COL24A1: variants seen among roughly 807,000 people sequenced by gnomAD.
COL24A1 encodes collagen alpha-1(XXIV) chain.
A neutral mutation model predicts 253.9 loss-of-function variants in COL24A1; 224 were observed. The observed-to-expected ratio is 0.88, with a 90% CI of 0.79 to 0.99. COL24A1 has a LOEUF of 0.99. Ranked by LOEUF, COL24A1 falls within the 50% of genes least tolerant of loss-of-function variation. COL24A1 has a pLI of 0.00. For synonymous variants in COL24A1, 685 were observed against 673.7 expected (o/e 1.02, Z -0.26); for missense variants, 2,131 against 2,068.5 (o/e 1.03, Z -0.59).
chr1:85,788,110 A>G (rs1183498004), intron 47 of COL24A1, among the ~76,000 whole-genome samples: 1 of 151,092 alleles, frequency 6.6e-6, no homozygotes, highest in African/African-American at 2.4e-5. Flanking sequence ...TGTTTTTTGG[A>G]GACAGAGTCA....
intron 32 of COL24A1, among the ~76,000 whole-genome samples, chr1:85,882,270 G>A (rs1284634596): frequency 2.6e-5 from 4 of 151,954 alleles, no homozygotes; most frequent in Non-Finnish European, 2.9e-5. Flanking sequence ...GAGGTCAGGA[G>A]ATCGAGACCA....
chr1:86,000,710 C>T (rs142753240), intron 19 of COL24A1, among the ~76,000 whole-genome samples: 12 of 152,250 alleles, frequency 7.9e-5, no homozygotes, highest in African/African-American at 1.4e-4. Flanking sequence ...ACCACCCTGA[C>T]GGAAAAAGAG....
At chr1:86,065,052 G>A (rs754683804) in intron 7 of COL24A1, among the ~76,000 whole-genome samples, 3 of 152,090 alleles carry the variant, frequency 2.0e-5, no homozygotes, top group Non-Finnish European at 4.4e-5. Flanking sequence ...CATCCTCAGC[G>A]CTAAGACAGT....
intron 19 of COL24A1, among the ~76,000 whole-genome samples, chr1:86,006,793 TA>T (rs1365951564): frequency 1.3e-5 from 2 of 151,120 alleles, no homozygotes; most frequent in African/African-American, 2.4e-5. Context: ...ACTCAACAAT[TA>T]AAAAAAACAT....
At chr1:85,842,490 T>C in intron 39 of COL24A1, 97 bp from the exon 40 acceptor site, 2 of 841,102 alleles carry the variant, frequency 2.4e-6, no homozygotes. Flanking sequence ...TACCTTTAGA[T>C]TTTTCATGGT....
chr1:85,792,203 C>T (rs1670342963), intron 47 of COL24A1, among the ~76,000 whole-genome samples: 1 of 151,950 alleles, frequency 6.6e-6, no homozygotes. Context: ...GTTGACTTCT[C>T]TTCTAGGAAT....
intron 57 of COL24A1, among the ~76,000 whole-genome samples, chr1:85,743,342 T>G (rs1358151846): frequency 1.3e-5 from 2 of 152,186 alleles, no homozygotes; most frequent in Non-Finnish European, 2.9e-5. Context: ...TTATTCTTTG[T>G]GCCTGGAAAG....
chr1:85,736,726 A>G (rs72948657), intron 58 of COL24A1, among the ~76,000 whole-genome samples: 1,581 of 152,350 alleles, frequency 0.01, 24 homozygotes, highest in African/African-American at 0.036. Flanking sequence ...TCAATGAGAA[A>G]TTCTTGATCA....
intron 35 of COL24A1, among the ~76,000 whole-genome samples, chr1:85,873,828 T>A (rs80090551): frequency 5.4e-5 from 8 of 148,380 alleles, no homozygotes; most frequent in Non-Finnish European, 7.5e-5. Context: ...TTAAAATACA[T>A]AAAAAAAAAA....
intron 19 of COL24A1, among the ~76,000 whole-genome samples, chr1:85,998,097 A>C (rs1558950212): frequency 6.6e-6 from 1 of 152,158 alleles, no homozygotes; most frequent in Non-Finnish European, 1.5e-5. Flanking sequence ...AAACTGTTCA[A>C]ACTGAGTTTC....
intron 5 of COL24A1, among the ~76,000 whole-genome samples, chr1:86,094,529 C>A (rs1703756314): frequency 6.6e-6 from 1 of 151,944 alleles, no homozygotes; most frequent in South Asian, 2.1e-4. Context: ...GGGAACCAGG[C>A]TCAATACCTG....
chr1:85,849,291 T>G, intron 38 of COL24A1, 62 bp downstream of exon 38: 1 of 1,220,480 alleles, frequency 8.2e-7, no homozygotes, highest in Non-Finnish European at 1.2e-6. Flanking sequence ...ATTACAGCAG[T>G]CTATGGAGTT....
At chr1:86,087,285 T>C (rs893435389) in intron 7 of COL24A1, among the ~76,000 whole-genome samples, 89 of 152,274 alleles carry the variant, frequency 5.8e-4, no homozygotes, top group Non-Finnish European at 1.1e-3. Context: ...TAATTCAAAA[T>C]AATGTTACAT....
chr1:85,791,113 A>G (rs941490058), intron 47 of COL24A1, among the ~76,000 whole-genome samples: 34 of 152,150 alleles, frequency 2.2e-4, no homozygotes, highest in African/African-American at 6.5e-4. Context: ...TGAAATGTTG[A>G]GGACACTGGT....
chr1:85,822,585 GA>G (rs1284071123), intron 45 of COL24A1, among the ~76,000 whole-genome samples: 2 of 152,106 alleles, frequency 1.3e-5, no homozygotes, highest in Non-Finnish European at 2.9e-5. Context: ...TTTGCCTTAT[GA>G]AAAAACAACT....
At chr1:85,925,560 C>G (rs1687093247) in intron 24 of COL24A1, among the ~76,000 whole-genome samples, 4 of 152,128 alleles carry the variant, frequency 2.6e-5, no homozygotes, top group African/African-American at 9.7e-5. Flanking sequence ...CTGAGAAAAA[C>G]AAGCAATGGG....
chr1:86,119,789 G>A (rs2102222314), intron 3 of COL24A1, among the ~76,000 whole-genome samples: 1 of 152,244 alleles, frequency 6.6e-6, no homozygotes, highest in African/African-American at 2.4e-5. Context: ...GCAATCAGTA[G>A]AGGATTTATA....
chr1:85,773,315 C>A (rs1033592281), intron 53 of COL24A1, among the ~76,000 whole-genome samples: 8 of 152,168 alleles, frequency 5.3e-5, no homozygotes, highest in African/African-American at 1.9e-4. Context: ...ATGACTCCAG[C>A]TTTATTCTTC....
At chr1:85,997,027 GTA>G (rs60831984) in intron 19 of COL24A1, among the ~76,000 whole-genome samples, 22,475 of 92,808 alleles carry the variant, frequency 0.24, 2,505 homozygotes, top group African/African-American at 0.33. Flanking sequence ...ATGTGTGTGT[GTA>G]TATATATATA....
Sources: gnomAD v4.1 joint callset for allele counts (sites outside exome capture counted in the v4.1 genomes callset) on GRCh38, gnomAD v4.1.1 for gene constraint, MANE v1.5 for transcripts, NCBI Gene and HGNC (gene_info 2026-07-23, HGNC 2026-07-21) for gene names.